Variants in NCKAP5 observed in about 807,000 individuals in gnomAD.
NCKAP5 encodes nck-associated protein 5.
Under a neutral mutation model 167.0 loss-of-function variants are expected in NCKAP5, and 92 were observed. The observed-to-expected ratio is 0.55, with a 90% CI of 0.47 to 0.66. The LOEUF (loss-of-function observed/expected upper bound fraction) is 0.66. Ranked by LOEUF, NCKAP5 falls within the 30% of genes least tolerant of loss-of-function variation. The pLI, the probability that NCKAP5 is intolerant of heterozygous loss-of-function variation, is 0.00. For synonymous variants in NCKAP5, 891 were observed against 877.4 expected, an observed-to-expected ratio of 1.02 and a Z score of -0.27; for missense variants, 2,378 against 2,315.0, an observed-to-expected ratio of 1.03 and a Z score of -0.56.
At chr2:133,102,787 ACACT>A (rs2081560273) in intron 6 of NCKAP5, among the ~76,000 whole-genome samples, 1 of 147,928 alleles carries the variant, frequency 6.8e-6, no homozygotes, top group Non-Finnish European at 1.5e-5. Context: ...ACACACACAC[ACACT>A]GTACATAAAC....
At chr2:133,517,200 C>T (rs1300185088) in intron 3 of NCKAP5, among the ~76,000 whole-genome samples, 1 of 152,174 alleles carries the variant, frequency 6.6e-6, no homozygotes, top group Non-Finnish European at 1.5e-5. Flanking sequence ...CTGAAGTCTA[C>T]ATCAGTTGTA....
chr2:132,686,297 A>T (rs1230763907), intron 19 of NCKAP5, among the ~76,000 whole-genome samples: 1 of 152,174 alleles, frequency 6.6e-6, no homozygotes, highest in Non-Finnish European at 1.5e-5. Context: ...TGGATTGTAC[A>T]TCTTCCTCTC....
At chr2:133,114,733 A>G (rs1016454748) in intron 6 of NCKAP5, among the ~76,000 whole-genome samples, 1 of 152,124 alleles carries the variant, frequency 6.6e-6, no homozygotes, top group Non-Finnish European at 1.5e-5. Context: ...TTTGTTCCGT[A>G]GAATTTCCCA....
intron 4 of NCKAP5, among the ~76,000 whole-genome samples, chr2:133,249,959 G>A (rs1007279084): frequency 2.0e-5 from 3 of 150,858 alleles, no homozygotes; most frequent in African/African-American, 7.3e-5. Context: ...GAAGAAAGAA[G>A]ACAGAAAAGG....
intron 5 of NCKAP5, among the ~76,000 whole-genome samples, chr2:133,174,614 G>T (rs1054401062): frequency 2.6e-5 from 4 of 151,818 alleles, no homozygotes; most frequent in Admixed American, 6.6e-5. Flanking sequence ...CTCCTTTTAG[G>T]TTGCATTCTG....
chr2:132,857,932 C>T (rs930174782), intron 11 of NCKAP5, among the ~76,000 whole-genome samples: 5 of 152,152 alleles, frequency 3.3e-5, no homozygotes, highest in African/African-American at 1.2e-4. Context: ...ACCTCTTATT[C>T]TGTATTTTTA....
chr2:133,031,158 G>A (rs2078866771), intron 6 of NCKAP5, among the ~76,000 whole-genome samples: 1 of 152,008 alleles, frequency 6.6e-6, no homozygotes, highest in Non-Finnish European at 1.5e-5. Context: ...AGTATTCACA[G>A]TACCTGATTG....
intron 4 of NCKAP5, among the ~76,000 whole-genome samples, chr2:133,294,940 T>TC (rs1355561170): frequency 5.3e-5 from 8 of 152,256 alleles, no homozygotes; most frequent in South Asian, 2.1e-4. Flanking sequence ...AGTCTTTTAC[T>TC]CCCCCTGGTG....
At chr2:133,522,867 C>T (rs1684585173) in intron 2 of NCKAP5, among the ~76,000 whole-genome samples, 2 of 152,210 alleles carry the variant, frequency 1.3e-5, no homozygotes, top group African/African-American at 4.8e-5. Context: ...TGTCTTCCAA[C>T]ATCTCTGGTT....
chr2:132,911,208 G>C, intron 8 of NCKAP5: 1 of 181,070 alleles, frequency 5.5e-6, no homozygotes, highest in East Asian at 1.2e-4. Flanking sequence ...ACAAATTGCT[G>C]GTCATTTCAG....
chr2:133,376,086 G>A (rs554966206), intron 3 of NCKAP5, among the ~76,000 whole-genome samples: 1 of 152,140 alleles, frequency 6.6e-6, no homozygotes, highest in African/African-American at 2.4e-5. Flanking sequence ...AACAAAATCA[G>A]GCACAGGTAC....
At chr2:133,601,514 G>A in the NCKAP5 span, among the ~76,000 whole-genome samples, 2 of 152,134 alleles carry the variant, frequency 1.3e-5, no homozygotes, top group African/African-American at 2.4e-5. Context: ...CGGATCACCT[G>A]AGGTCAGGAG....
intron 8 of NCKAP5, among the ~76,000 whole-genome samples, chr2:132,923,420 C>T (rs948711732): frequency 6.6e-6 from 1 of 152,160 alleles, no homozygotes; most frequent in African/African-American, 2.4e-5. Context: ...GCCAAACAGC[C>T]TGCTTGCAAG....
intron 3 of NCKAP5, among the ~76,000 whole-genome samples, chr2:133,453,265 C>T (rs975212544): frequency 6.4e-4 from 97 of 152,224 alleles, no homozygotes; most frequent in African/African-American, 2.3e-3. Context: ...ATAAATTCGT[C>T]ATTTGTCCAT....
intron 5 of NCKAP5, among the ~76,000 whole-genome samples, chr2:133,158,733 C>A (rs2083672232): frequency 6.6e-6 from 1 of 152,134 alleles, no homozygotes; most frequent in Admixed American, 6.5e-5. Context: ...ACAAAACAAT[C>A]TTTCCAAATA....
chr2:133,229,191 TA>T (rs988131258), intron 4 of NCKAP5, among the ~76,000 whole-genome samples: 8 of 152,300 alleles, frequency 5.3e-5, no homozygotes, highest in Middle Eastern at 3.4e-3. Context: ...AAAAATAGGA[TA>T]ACAACCAGGC....
intron 6 of NCKAP5, among the ~76,000 whole-genome samples, chr2:133,026,356 A>G (rs2149406916): frequency 6.7e-6 from 1 of 148,620 alleles, no homozygotes; most frequent in African/African-American, 2.5e-5. Flanking sequence ...CTAAAGTCAC[A>G]GTCAACTAAA....
At chr2:133,552,417 A>G (rs1379925487) in intron 2 of NCKAP5, among the ~76,000 whole-genome samples, 186 of 143,512 alleles carry the variant, frequency 1.3e-3, no homozygotes, top group African/African-American at 4.6e-3. Context: ...ATGCAGCCAT[A>G]AAAAATGATG....
chr2:132,766,934 G>T (rs768998897), intron 16 of NCKAP5, among the ~76,000 whole-genome samples: 11 of 152,188 alleles, frequency 7.2e-5, no homozygotes, highest in Non-Finnish European at 1.2e-4. Flanking sequence ...CTGTGGATTA[G>T]ATACTTTATG....
Sources: gnomAD v4.1 joint callset for allele counts (sites outside exome capture counted in the v4.1 genomes callset) on GRCh38, gnomAD v4.1.1 for gene constraint, MANE v1.5 for transcripts, NCBI Gene and HGNC (gene_info 2026-07-23, HGNC 2026-07-21) for gene names.